IMMP2L: variants seen among roughly 807,000 people sequenced by gnomAD.
IMMP2L encodes the protein mitochondrial inner membrane protease subunit 2.
In IMMP2L, 18 loss-of-function variants were observed where a neutral mutation model predicts 19.3. The ratio of observed to expected loss-of-function variants is 0.93; its 90% CI spans 0.64 to 1.38. IMMP2L has a LOEUF of 1.38. Among genes scored for constraint, IMMP2L ranks in the 40% most tolerant of loss-of-function variants. IMMP2L has a pLI of 0.00. For missense variants in IMMP2L, 233 were observed against 218.2 expected (o/e 1.07, Z -0.43); for synonymous variants, 76 against 73.0 (o/e 1.04, Z -0.21).
At chr7:110,851,245 C>T (rs953024127) in intron 5 of IMMP2L, among the ~76,000 whole-genome samples, 1 of 152,098 alleles carries the variant, frequency 6.6e-6, no homozygotes, top group Non-Finnish European at 1.5e-5. Context: ...TTCACAGGTA[C>T]ACAAAGATTT....
intron 3 of IMMP2L, among the ~76,000 whole-genome samples, chr7:111,282,141 T>C (rs991989008): frequency 6.6e-6 from 1 of 152,134 alleles, no homozygotes; most frequent in Non-Finnish European, 1.5e-5. Flanking sequence ...ATAAGACTAA[T>C]TGGCTATGAT....
At chr7:110,994,374 A>T (rs1181471577) in intron 3 of IMMP2L, among the ~76,000 whole-genome samples, 1 of 152,162 alleles carries the variant, frequency 6.6e-6, no homozygotes, top group Non-Finnish European at 1.5e-5. Flanking sequence ...AATATAAAAA[A>T]ATTAGCCCCC....
At chr7:111,552,926 G>A (rs1180719261) in intron 1 of IMMP2L, among the ~76,000 whole-genome samples, 1 of 152,150 alleles carries the variant, frequency 6.6e-6, no homozygotes, top group East Asian at 1.9e-4. Flanking sequence ...CAAGCCCATT[G>A]TGGAAAGGAA....
At chr7:111,263,058 A>G (rs1184166259) in intron 3 of IMMP2L, among the ~76,000 whole-genome samples, 1 of 152,142 alleles carries the variant, frequency 6.6e-6, no homozygotes, top group Non-Finnish European at 1.5e-5. Flanking sequence ...CTTAACGAGT[A>G]GTCAGATAAT....
chr7:111,443,997 T>A (rs1385976653), intron 3 of IMMP2L, among the ~76,000 whole-genome samples: 1 of 152,192 alleles, frequency 6.6e-6, no homozygotes, highest in African/African-American at 2.4e-5. Context: ...AAATAGATTT[T>A]AAAATTATTT....
chr7:110,889,876 T>C lies in IMMP2L; in HGVS notation c.306-3181A>G, dbSNP rs1243222662. On this transcript the variant is annotated intron_variant, in intron 4 of 5. Coordinates refer to ENST00000405709, the MANE Select transcript of IMMP2L (RefSeq NM_032549.4). Reference sequence around the variant, plus strand: ...CAAAAAGTTATTCTATAGATAAAAGTGGCATATATTAAACACTTGATAAGT... The same window carrying C: ...CAAAAAGTTATTCTATAGATAAAAGCGGCATATATTAAACACTTGATAAGT... Among the ~76,000 whole-genome samples the C allele has an allele frequency of 2.6e-5, 4 of 152,206 alleles. No individual in the cohort carries two copies. The East Asian group carries it at 7.7e-4, about 29-fold the overall frequency.
intron 3 of IMMP2L, among the ~76,000 whole-genome samples, chr7:111,444,491 A>C (rs1241504992): frequency 6.6e-6 from 1 of 152,158 alleles, no homozygotes; most frequent in African/African-American, 2.4e-5. Flanking sequence ...AATAGGACTA[A>C]ATAAAGATTT....
chr7:110,975,403 G>GTA (rs1820590491), intron 3 of IMMP2L, among the ~76,000 whole-genome samples: 1 of 152,070 alleles, frequency 6.6e-6, no homozygotes, highest in South Asian at 2.1e-4. Flanking sequence ...GTGGCTATGT[G>GTA]TACTTGACCT....
chr7:110,853,535 T>A (rs1360693077), intron 5 of IMMP2L, among the ~76,000 whole-genome samples: 2 of 152,054 alleles, frequency 1.3e-5, no homozygotes, highest in Non-Finnish European at 2.9e-5. Context: ...AGAAATGTGA[T>A]GCCATTTTTC....
intron 3 of IMMP2L, among the ~76,000 whole-genome samples, chr7:111,315,153 G>C (rs17158475): frequency 0.019 from 2,884 of 152,168 alleles, 114 homozygotes; most frequent in African/African-American, 0.065. Flanking sequence ...CGCTATCACA[G>C]TCCATCTTAT....
intron 3 of IMMP2L, among the ~76,000 whole-genome samples, chr7:111,301,625 T>A (rs1011171419): frequency 4.6e-5 from 7 of 152,088 alleles, no homozygotes; most frequent in African/African-American, 1.4e-4. Context: ...TTGAGCTAAT[T>A]TTTGTAGAAG....
chr7:110,684,826 G>A (rs1295042314), intron 5 of IMMP2L, among the ~76,000 whole-genome samples: 4 of 151,972 alleles, frequency 2.6e-5, no homozygotes, highest in South Asian at 2.1e-4. Context: ...CAAGATATGC[G>A]TGCAGCAACA....
At chr7:111,064,664 T>G (rs1794327821) in intron 3 of IMMP2L, among the ~76,000 whole-genome samples, 1 of 152,162 alleles carries the variant, frequency 6.6e-6, no homozygotes. Context: ...GGGGAAATGC[T>G]GCCACCAGGA....
rs571138642 is a variant in IMMP2L, at chr7:111,071,389, C to T, written c.240-107824G>A. 4.6e-5 allele frequency among the ~76,000 whole-genome samples: 7 copies of T among 152,008 alleles called. No individual in the cohort carries two copies. The East Asian group carries it at 7.7e-4, about 17-fold the overall frequency. On this transcript the variant is annotated intron_variant, in intron 3 of 5. Coordinates refer to ENST00000405709, the MANE Select transcript of IMMP2L (RefSeq NM_032549.4). ...AAGCCAGTAATTCCATTCCTAGGTA[C>T]GTATACCCTGAAACTAAAAATACGT... is the stretch of plus-strand genomic sequence containing the variant.
At chr7:111,534,872 G>A (rs963096542) in intron 1 of IMMP2L, among the ~76,000 whole-genome samples, 1 of 152,076 alleles carries the variant, frequency 6.6e-6, no homozygotes, top group Non-Finnish European at 1.5e-5. Context: ...TTTCCCCTGT[G>A]TTTAAAATAG....
At chr7:111,534,990 G>C (rs1441688411) in intron 1 of IMMP2L, among the ~76,000 whole-genome samples, 3 of 152,292 alleles carry the variant, frequency 2.0e-5, no homozygotes, top group East Asian at 3.9e-4. Flanking sequence ...AAGAAAACCA[G>C]GGTTTCAAGC....
intron 2 of IMMP2L, among the ~76,000 whole-genome samples, chr7:111,489,499 G>A (rs1203588096): frequency 6.6e-6 from 1 of 152,138 alleles, no homozygotes; most frequent in Non-Finnish European, 1.5e-5. Context: ...AGCCAGTGGA[G>A]ACACAACAAC....
chr7:111,105,879 T>G (rs1414512750), intron 3 of IMMP2L, among the ~76,000 whole-genome samples: 1 of 151,942 alleles, frequency 6.6e-6, no homozygotes, highest in African/African-American at 2.4e-5. Context: ...GACAGCTCTT[T>G]TAGCCAGTTT....
At chr7:111,263,592 G>T (rs903698576) in intron 3 of IMMP2L, among the ~76,000 whole-genome samples, 1 of 152,084 alleles carries the variant, frequency 6.6e-6, no homozygotes, top group African/African-American at 2.4e-5. Context: ...AAGAAGTCTG[G>T]GATAGACAGA....
Sources: allele counts gnomAD v4.1 joint callset (sites outside exome capture counted in the v4.1 genomes callset), GRCh38; gene constraint gnomAD v4.1.1; transcripts MANE v1.5; gene names NCBI Gene and HGNC (gene_info 2026-07-23, HGNC 2026-07-21).